GPLD1: variants seen among roughly 807,000 people sequenced by gnomAD.
The protein encoded by GPLD1 is phosphatidylinositol-glycan-specific phospholipase D.
A neutral mutation model predicts 112.6 loss-of-function variants in GPLD1; 84 were observed. The ratio of observed to expected loss-of-function variants is 0.75; its 90% CI spans 0.63 to 0.89. The LOEUF (loss-of-function observed/expected upper bound fraction) is 0.89, where lower values mean the gene tolerates loss of function less well. Ranked by LOEUF, GPLD1 falls within the 40% of genes least tolerant of loss-of-function variation. The probability of loss-of-function intolerance (pLI) is 0.00; values close to 1 mark genes in which losing one functional copy is unlikely to be tolerated. For missense variants in GPLD1, 1,044 were observed against 1,051.5 expected (o/e 0.99, Z 0.10); for synonymous variants, 386 against 403.8 (o/e 0.96, Z 0.53).
At chr6:24,456,773 G>C in intron 12 of GPLD1, 136 bp from the exon 13 acceptor site, 1 of 557,780 alleles carries the variant, frequency 1.8e-6, no homozygotes, top group Non-Finnish European at 3.1e-6. Flanking sequence ...TAAAACATTA[G>C]GTCCTATCAG....
In GPLD1 at chr6:24,473,526, A is replaced by G. The variant is rs1311957935; in HGVS notation, c.490+93T>C. 12 of 774,936 alleles carry G rather than the reference A, an allele frequency of 1.5e-5. No individual in the cohort carries two copies. The East Asian group carries it at 2.5e-4, about 16-fold the overall frequency. 48.0% of individuals were successfully genotyped at this position (774,936 alleles called of 1,614,324 possible). ...ATAGAAAATACATGCAACCAGCAAA[A>G]TATTAAAGACACACATATTTAAAGC... On this transcript the variant is annotated intron_variant, in intron 6 of 24. Transcript: ENST00000230036.
At chr6:24,491,343 A>T (rs1764554386), upstream of GPLD1, among the ~76,000 whole-genome samples, 1 of 152,252 alleles carries the variant, frequency 6.6e-6, no homozygotes, top group African/African-American at 2.4e-5. Flanking sequence ...GGGGAAAAAA[A>T]TACTGCTAGA....
At position 24,449,575 on chromosome 6, in the gene GPLD1, A is replaced by G. The variant is rs1331680716; in HGVS notation, c.1446+214T>C. Among the ~76,000 whole-genome samples, 5 of 152,220 alleles carry G rather than the reference A, an allele frequency of 3.3e-5. No individual in the cohort carries two copies. In the South Asian group the frequency reaches 8.3e-4, roughly 25 times the overall value. On this transcript the variant is annotated intron_variant, in intron 15 of 24. Transcript: ENST00000230036. ...GGTGGAATTGGGAAACCATAGGGCC[A>G]AAATAAGGCCAGGGAGGCAGCAGCA...
At chr6:24,490,978 A>T (rs1764542190), upstream of GPLD1, among the ~76,000 whole-genome samples, 2 of 152,184 alleles carry the variant, frequency 1.3e-5, no homozygotes, top group Non-Finnish European at 2.9e-5. Flanking sequence ...TATAAACTTA[A>T]ATCAAGTTTA....
At position 24,443,596 on chromosome 6, in the gene GPLD1, CTT is replaced by C. The variant is rs1039520680; in HGVS notation, c.2020+1948_2020+1949del. Among the ~76,000 whole-genome samples the C allele has an allele frequency of 3.3e-5, 5 of 151,582 alleles. No homozygotes were observed. The East Asian group carries it at 9.6e-4, about 29-fold the overall frequency. On this transcript the variant is annotated intron_variant, in intron 20 of 24. Coordinates refer to ENST00000230036, the MANE Select transcript of GPLD1 (RefSeq NM_001503.4). Reference sequence around the variant, plus strand: ...ACATGATTCCAAAGCTAAGTCAGCACTTTTTTTTTGTTATAATGCTGTGTCTT... The same window carrying C: ...ACATGATTCCAAAGCTAAGTCAGCACTTTTTTTGTTATAATGCTGTGTCTT...
chr6:24,486,072 T>C lies in GPLD1; in HGVS notation c.153+3A>G. ...AGAAGAAAAGAAAAATCAAGATTTCTACCTCTCTGTAGTTAACACGCCCAT... is the reference window on the plus strand; with the variant it reads ...AGAAGAAAAGAAAAATCAAGATTTCCACCTCTCTGTAGTTAACACGCCCAT... On this transcript the variant is annotated splice_donor_region_variant and intron_variant, in intron 2 of 24. Coordinates refer to ENST00000230036, the MANE Select transcript of GPLD1 (RefSeq NM_001503.4). 7 of 1,566,166 alleles carry C rather than the reference T, an allele frequency of 4.5e-6. No homozygotes were observed. Among genetic ancestry groups the C allele is most frequent in the Non-Finnish European group, 6.1e-6 (7 of 1,141,544 alleles).
chr6:24,489,068 T>C (rs144154202), intron 1 of GPLD1, among the ~76,000 whole-genome samples: 11 of 152,320 alleles, frequency 7.2e-5, no homozygotes, highest in Non-Finnish European at 1.2e-4. Context: ...ACTCCTGCCA[T>C]ATTCCACCCA....
chr6:24,454,451 G>A (rs6925475), intron 13 of GPLD1, among the ~76,000 whole-genome samples: 28,351 of 150,348 alleles, frequency 0.19, 2,923 homozygotes, highest in African/African-American at 0.27. Context: ...TACATAACCT[G>A]AGAGGATGAA....
At chr6:24,468,839 T>C (rs1470660658) in intron 7 of GPLD1, among the ~76,000 whole-genome samples, 1 of 152,194 alleles carries the variant, frequency 6.6e-6, no homozygotes, top group Admixed American at 6.5e-5. Flanking sequence ...CTCCCTAAAA[T>C]GTACAGATAA....
intron 13 of GPLD1, among the ~76,000 whole-genome samples, chr6:24,455,898 G>C (rs1285411488): frequency 6.6e-6 from 1 of 152,164 alleles, no homozygotes; most frequent in Non-Finnish European, 1.5e-5. Context: ...CTTTTGGCCA[G>C]GTGCAGTGGC....
rs759936572 is a variant in GPLD1, at chr6:24,437,202, G to A, written c.2108C>T (p.Pro703Leu). Residue 703 changes from proline (P) to leucine (L), a missense_variant, in exon 21 of 25, where the codon CCT (proline) becomes CTT (leucine). Coordinates refer to ENST00000230036, the MANE Select transcript of GPLD1 (RefSeq NM_001503.4). The stretch of plus-strand genomic sequence containing the variant: ...TCCGCTGAAGGTGCTGAGCAGCAGA[G>A]GCTGCGCGTCAGATGTGAGTGCGTA... ...RMYALTSDAQPLLLSTFSGDR... is the reference protein window; with the variant it reads ...RMYALTSDAQLLLLSTFSGDR... 2.5e-6 allele frequency: 4 copies of A among 1,613,992 alleles called. No individual in the cohort carries two copies. The highest frequency in any genetic ancestry group is 1.3e-5 in the African/African-American group (1 of 75,072).
At chr6:24,432,780 G>A (rs1024779426) in intron 24 of GPLD1, among the ~76,000 whole-genome samples, 20 of 152,320 alleles carry the variant, frequency 1.3e-4, no homozygotes, top group South Asian at 4.1e-4. Context: ...ACGGCAGCAC[G>A]ACAGCAGCCA....
chr6:24,453,413 A>G (rs1217670069), intron 14 of GPLD1, among the ~76,000 whole-genome samples: 1 of 152,180 alleles, frequency 6.6e-6, no homozygotes, highest in East Asian at 1.9e-4. Context: ...AGGTGGGTGG[A>G]TCACCTAAGG....
intron 13 of GPLD1, among the ~76,000 whole-genome samples, chr6:24,455,783 T>C (rs1763245754): frequency 6.6e-6 from 1 of 152,240 alleles, no homozygotes; most frequent in East Asian, 1.9e-4. Flanking sequence ...AATCCTTTAT[T>C]GTTGTGATTA....
At chr6:24,481,492 CCTT>C (rs1764202179) in intron 2 of GPLD1, among the ~76,000 whole-genome samples, 1 of 152,210 alleles carries the variant, frequency 6.6e-6, no homozygotes, top group South Asian at 2.1e-4. Context: ...CCATTCTCCT[CCTT>C]CTAGAGGCAG....
chr6:24,448,750 T>C (rs1044479050), intron 15 of GPLD1, among the ~76,000 whole-genome samples: 1 of 152,150 alleles, frequency 6.6e-6, no homozygotes, highest in African/African-American at 2.4e-5. Context: ...GTTGTACCCA[T>C]GGCACATCTG....
Position 24,449,785 on chromosome 6 carries a change from T to C in GPLD1, c.1446+4A>G. Reference sequence around the variant, plus strand: ...CCTCCAACCCTATCCAGCAGCAGCCTTACTTTGTAGGTGAGCTGCTCGGAG... The same window carrying C: ...CCTCCAACCCTATCCAGCAGCAGCCCTACTTTGTAGGTGAGCTGCTCGGAG... On this transcript the variant is annotated splice_donor_region_variant and intron_variant, in intron 15 of 24. Transcript: ENST00000230036. 6.3e-7 allele frequency: 1 copy of C among 1,594,868 alleles called. No homozygotes were observed. The highest frequency in any genetic ancestry group is 8.6e-7 in the Non-Finnish European group (1 of 1,163,762).
intron 20 of GPLD1, 46 bp downstream of exon 20, chr6:24,445,499 CA>C (rs777062854): frequency 4.0e-6 from 5 of 1,248,748 alleles, no homozygotes; most frequent in Non-Finnish European, 4.7e-6. Context: ...CATGTACAAG[CA>C]GCCACATGAC....
intron 11 of GPLD1, 33 bp downstream of exon 11, chr6:24,462,697 C>A: frequency 6.7e-7 from 1 of 1,483,650 alleles, no homozygotes; most frequent in Non-Finnish European, 9.4e-7. Flanking sequence ...GTGAGATGTA[C>A]TTTTTCTATG....
Sources: gnomAD v4.1 joint callset for allele counts (sites outside exome capture counted in the v4.1 genomes callset) on GRCh38, gnomAD v4.1.1 for gene constraint, MANE v1.5 for transcripts, NCBI Gene and HGNC (gene_info 2026-07-23, HGNC 2026-07-21) for gene names.